PODXL: variants seen among roughly 807,000 people sequenced by gnomAD.
The protein encoded by PODXL is podocalyxin.
Under a neutral mutation model 48.9 loss-of-function variants are expected in PODXL, and 20 were observed. The ratio of observed to expected loss-of-function variants is 0.41; its 90% CI spans 0.29 to 0.59. The LOEUF is 0.59. Ranked by LOEUF, PODXL falls within the 20% of genes least tolerant of loss-of-function variation. The pLI, the probability that PODXL is intolerant of heterozygous loss-of-function variation, is 0.31. For missense variants in PODXL, 606 were observed against 675.1 expected, an observed-to-expected ratio of 0.90 and a Z score of 1.13; for synonymous variants, 295 against 287.4, an observed-to-expected ratio of 1.03 and a Z score of -0.27.
rs1797796896 is a variant in PODXL at position 131,506,149 on chromosome 7, T to C, written c.1311+111A>G. 2.6e-6 allele frequency: 4 copies of C among 1,546,468 alleles called. No individual in the cohort carries two copies. In the South Asian group the frequency reaches 4.5e-5, roughly 17 times the overall value. ...GCTAGGGTCCGTGCCGCCGCCCTCTTCTACATGCAGGCACATGACGGGGTT... is the reference window on the plus strand; with the variant it reads ...GCTAGGGTCCGTGCCGCCGCCCTCTCCTACATGCAGGCACATGACGGGGTT... On this transcript the variant is annotated intron_variant, in intron 7 of 8. Coordinates refer to ENST00000378555, the MANE Select transcript of PODXL (RefSeq NM_001018111.3).
chr7:131,509,325 G>C (rs1447216068), intron 4 of PODXL, 40 bp downstream of exon 4: 3 of 1,482,114 alleles, frequency 2.0e-6, no homozygotes, highest in Non-Finnish European at 2.8e-6. Flanking sequence ...TTCTACCCGA[G>C]TCTGGGTTCT....
At chr7:131,513,226 G>C (rs1191482402) in intron 1 of PODXL, among the ~76,000 whole-genome samples, 1 of 152,174 alleles carries the variant, frequency 6.6e-6, no homozygotes, top group Non-Finnish European at 1.5e-5. Flanking sequence ...GAGAAGTTAG[G>C]AGGCAATCAC....
intron 7 of PODXL, 88 bp from the exon 8 acceptor site, chr7:131,506,123 T>C (rs1584806876): frequency 6.6e-7 from 1 of 1,523,430 alleles, no homozygotes; most frequent in Non-Finnish European, 8.9e-7. Context: ...GCTTGCAGTC[T>C]GCTAGGGTCC....
intron 1 of PODXL, among the ~76,000 whole-genome samples, chr7:131,512,868 C>T (rs936358953): frequency 9.2e-5 from 14 of 151,504 alleles, no homozygotes; most frequent in Admixed American, 3.9e-4. Flanking sequence ...AGTAACTGGG[C>T]GTGGTGATCC....
chr7:131,509,920 C>G (rs192594361), intron 3 of PODXL, among the ~76,000 whole-genome samples: 1 of 152,288 alleles, frequency 6.6e-6, no homozygotes, highest in African/African-American at 2.4e-5. Flanking sequence ...GTGATTTGCC[C>G]GAGTTCCTGT....
At chr7:131,546,238 G>C (rs1798573466) in intron 1 of PODXL, among the ~76,000 whole-genome samples, 1 of 152,170 alleles carries the variant, frequency 6.6e-6, no homozygotes. Flanking sequence ...ATCTGAGAAA[G>C]GAAAGTGAAA....
At chr7:131,532,428 TC>T (rs986447562) in intron 1 of PODXL, among the ~76,000 whole-genome samples, 2 of 142,522 alleles carry the variant, frequency 1.4e-5, no homozygotes, top group African/African-American at 5.3e-5. Context: ...AAAGCAAGAC[TC>T]CGTCTCAAAA....
At chr7:131,510,725 G>A (rs904339972) in intron 2 of PODXL, 103 bp downstream of exon 2, 2 of 1,389,306 alleles carry the variant, frequency 1.4e-6, no homozygotes, top group Non-Finnish European at 2.0e-6. Flanking sequence ...ACCTGTCTCG[G>A]CCTCCCAAAG....
At chr7:131,546,173 C>T (rs776129076) in intron 1 of PODXL, among the ~76,000 whole-genome samples, 4 of 152,082 alleles carry the variant, frequency 2.6e-5, no homozygotes, top group Non-Finnish European at 4.4e-5. Context: ...CTGCCTGGCT[C>T]GATGGCATCA....
Position 131,524,366 on chromosome 7 carries a change from A to ACACACG in PODXL, c.101-12934_101-12933insCGTGTG, listed in dbSNP as rs201704691. 4.2e-4 allele frequency among the ~76,000 whole-genome samples: 45 copies of ACACACG among 107,392 alleles called. 1 individual carries two copies. Among genetic ancestry groups the ACACACG allele is most frequent in the South Asian group, 1.8e-3 (5 of 2,810 alleles). The allele number at this position is 107,392 out of a possible 152,430, so 70.5% of individuals were successfully genotyped here. ...ATAGGAAACACACACACACACGCACACACACACACACACAGAGAGAGAGAG... is the reference window on the plus strand; with the variant it reads ...ATAGGAAACACACACACACACGCACACACACGCACACACACACACAGAGAGAGAGAG... On this transcript the variant is annotated intron_variant, in intron 1 of 8. Transcript: ENST00000378555.
chr7:131,506,806 G>A, intron 5 of PODXL, 80 bp from the exon 6 acceptor site: 2 of 1,474,392 alleles, frequency 1.4e-6, no homozygotes, highest in South Asian at 1.2e-5. Context: ...CCCAGCTAAG[G>A]TCGGGACAGT....
chr7:131,547,304 C>A (rs371211531), intron 1 of PODXL, among the ~76,000 whole-genome samples: 2 of 127,870 alleles, frequency 1.6e-5, no homozygotes, highest in Admixed American at 1.0e-4. Context: ...ACCCGGGAGG[C>A]GGAGGTAGTG....
At chr7:131,529,199 G>A (rs1420484875) in intron 1 of PODXL, among the ~76,000 whole-genome samples, 1 of 152,112 alleles carries the variant, frequency 6.6e-6, no homozygotes, top group African/African-American at 2.4e-5. Flanking sequence ...GAAAGTCTTT[G>A]GTGAGTGATG....
intron 1 of PODXL, among the ~76,000 whole-genome samples, chr7:131,539,011 G>A (rs1386376381): frequency 1.3e-5 from 2 of 152,210 alleles, no homozygotes; most frequent in African/African-American, 2.4e-5. Context: ...CAACACACCA[G>A]CCAGCTGGCA....
rs1035266572 is a variant in PODXL at position 131,556,575 on chromosome 7, C to A, written c.-216G>T. On this transcript the variant is annotated 5_prime_UTR_variant, in exon 1 of 9. Coordinates refer to ENST00000378555, the MANE Select transcript of PODXL (RefSeq NM_001018111.3). ...GGGCGCAGAGCCAGTGGCAGAGGAG[C>A]GGCGGCGGCGGCGGCTGCGTCCTGG... 4.1e-5 allele frequency: 15 copies of A among 368,134 alleles called. No homozygotes were observed. The highest frequency in any genetic ancestry group is 1.1e-4 in the African/African-American group (5 of 46,336). 22.8% of individuals were successfully genotyped at this position (368,134 alleles called of 1,614,324 possible).
rs10593482 is a variant in PODXL, at chr7:131,546,725, C to CA, written c.100+9534dup. Among the ~76,000 whole-genome samples the CA allele has an allele frequency of 7.0e-3, 352 of 50,104 alleles. 14 individuals are homozygous for CA. The highest frequency in any genetic ancestry group is 0.015 in the African/African-American group (219 of 14,372). The allele number at this position is 50,104 out of a possible 152,430, so 32.9% of individuals were successfully genotyped here. A position where few individuals can be genotyped will look rare whatever the true frequency, so the allele number is the denominator to read the frequency against. ...TGGGCAACACAGTGAGGCCCTGTCT[C>CA]AAAAAAAAAAAAAAAAAAAAAAAAA... On this transcript the variant is annotated intron_variant, in intron 1 of 8. Coordinates refer to ENST00000378555, the MANE Select transcript of PODXL (RefSeq NM_001018111.3).
intron 2 of PODXL, among the ~76,000 whole-genome samples, chr7:131,510,618 C>G (rs1281706397): frequency 1.3e-5 from 2 of 152,056 alleles, no homozygotes; most frequent in Non-Finnish European, 2.9e-5. Context: ...ATTACAGGCG[C>G]CTGCCACCAT....
chr7:131,542,804 C>A (rs532885692), intron 1 of PODXL, among the ~76,000 whole-genome samples: 4 of 152,188 alleles, frequency 2.6e-5, no homozygotes, highest in African/African-American at 9.7e-5. Flanking sequence ...GAGCCTCCCT[C>A]CCTCTAGAGC....
At position 131,512,556 on chromosome 7, in the gene PODXL, G is replaced by A. The variant is rs1797931340; in HGVS notation, c.101-1123C>T. 1.3e-5 allele frequency among the ~76,000 whole-genome samples: 2 copies of A among 152,180 alleles called. 1 individual carries two copies. Among genetic ancestry groups the A allele is most frequent in the Admixed American group, 1.3e-4 (2 of 15,284 alleles). ...CCCCGAGTAGGGAAAGCTGCTGACA[G>A]AAGACAAGCAGGAATGGAGTTTGGT... On this transcript the variant is annotated intron_variant, in intron 1 of 8. Transcript: ENST00000378555.
Sources: gnomAD v4.1 joint callset for allele counts (sites outside exome capture counted in the v4.1 genomes callset) on GRCh38, gnomAD v4.1.1 for gene constraint, MANE v1.5 for transcripts, NCBI Gene and HGNC (gene_info 2026-07-23, HGNC 2026-07-21) for gene names.